Variants in KATNIP observed in about 807,000 individuals in gnomAD.
The protein encoded by KATNIP is katanin-interacting protein.
Under a neutral mutation model 174.0 loss-of-function variants are expected in KATNIP, and 126 were observed. The observed-to-expected ratio is 0.72, with a 90% CI of 0.63 to 0.84. The LOEUF (loss-of-function observed/expected upper bound fraction) is 0.84, where lower values mean the gene tolerates loss of function less well. KATNIP is among the 40% of genes least tolerant of loss of function. The probability of loss-of-function intolerance (pLI) is 0.00; values close to 1 mark genes in which losing one functional copy is unlikely to be tolerated. For synonymous variants in KATNIP, 810 were observed against 835.7 expected (o/e 0.97, Z 0.53); for missense variants, 1,958 against 2,109.7 (o/e 0.93, Z 1.41).
rs1467158449 is a variant in KATNIP at position 27,631,402 on chromosome 16, A to G, written c.408+240A>G. On this transcript the variant is annotated intron_variant, in intron 5 of 27. Transcript: ENST00000261588. ...TAAAAATAAAAATAAAAAATTCGCC[A>G]GGTGTGGCAGCACGTACCTCTAGTC... 5 of 487,172 alleles carry G rather than the reference A, an allele frequency of 1.0e-5. No individual in the cohort carries two copies. In the East Asian group the frequency reaches 1.0e-4, roughly 10 times the overall value. 30.2% of individuals were successfully genotyped at this position (487,172 alleles called of 1,614,324 possible). A position where few individuals can be genotyped will look rare whatever the true frequency, so the allele number is the denominator to read the frequency against.
intron 1 of KATNIP, among the ~76,000 whole-genome samples, chr16:27,554,704 A>G (rs1472075341): frequency 6.6e-6 from 1 of 150,922 alleles, no homozygotes; most frequent in Non-Finnish European, 1.5e-5. Context: ...GGAAAAATTT[A>G]TTCTCAGAAG....
intron 13 of KATNIP, among the ~76,000 whole-genome samples, chr16:27,710,988 A>T (rs1194271890): frequency 6.6e-6 from 1 of 152,196 alleles, no homozygotes; most frequent in Non-Finnish European, 1.5e-5. Context: ...GTTTTTCTGC[A>T]AGCTGAAAAA....
rs2076526214 is a variant in KATNIP, at chr16:27,632,725, CTT to C, written c.408+1565_408+1566del. 5 of 422,498 alleles carry C rather than the reference CTT, an allele frequency of 1.2e-5. No homozygotes were observed. In the Admixed American group the frequency reaches 1.3e-4, roughly 11 times the overall value. 26.2% of individuals were successfully genotyped at this position (422,498 alleles called of 1,614,324 possible). ...TGTTGGTTGATACCAGTGGTGGAGT[CTT>C]TGAAAAGGGCTGATTTCTTTCTTTT... is the stretch of plus-strand genomic sequence containing the variant. On this transcript the variant is annotated intron_variant, in intron 5 of 27. Transcript: ENST00000261588.
chr16:27,705,063 AC>A (rs1299461034), intron 12 of KATNIP, among the ~76,000 whole-genome samples: 1 of 151,586 alleles, frequency 6.6e-6, no homozygotes, highest in African/African-American at 2.4e-5. Flanking sequence ...GGCACGCATC[AC>A]CATGCCCAGC....
chr16:27,562,045 C>T (rs539725456), intron 1 of KATNIP, among the ~76,000 whole-genome samples: 1 of 152,328 alleles, frequency 6.6e-6, no homozygotes, highest in South Asian at 2.1e-4. Flanking sequence ...GTGGCTCATG[C>T]CTGTAATCCC....
chr16:27,713,833 T>C (rs1452620817), intron 13 of KATNIP, among the ~76,000 whole-genome samples: 1 of 74,776 alleles, frequency 1.3e-5, no homozygotes, highest in African/African-American at 5.7e-5. Flanking sequence ...TATATATATA[T>C]ATATATATAT....
chr16:27,576,253 C>T (rs924091231), intron 2 of KATNIP, among the ~76,000 whole-genome samples: 6 of 152,128 alleles, frequency 3.9e-5, no homozygotes, highest in Admixed American at 3.9e-4. Flanking sequence ...CCATTGTGCC[C>T]ATCGCCCGAG....
chr16:27,740,899 G>A lies in KATNIP; in HGVS notation c.2602G>A (p.Asp868Asn), dbSNP rs2081082269. The change falls in exon 15 of 28, where the codon GAC (aspartate) becomes AAC (asparagine). Residue 868 changes from aspartate to asparagine, a missense_variant. Physicochemically the swap from Asp to Asn is conservative, Grantham distance 23 (BLOSUM62 1). Coordinates refer to ENST00000261588, the MANE Select transcript of KATNIP (RefSeq NM_015202.5). ...GGATGCTGGCAGCAGTAGTCATGGG[G>A]ACGACCAGCCAGCCAGCAGAGGTAA... ...RKDAGSSSHG[D>N]DQPASREDTW... is the part of the protein sequence containing the mutation. 2 of 1,599,898 alleles carry A rather than the reference G, an allele frequency of 1.3e-6. No individual in the cohort carries two copies. Among genetic ancestry groups the A allele is most frequent in the Non-Finnish European group, 1.7e-6 (2 of 1,173,864 alleles).
intron 6 of KATNIP, chr16:27,659,950 C>G (rs950370126): frequency 2.1e-6 from 2 of 969,878 alleles, no homozygotes; most frequent in Non-Finnish European, 2.5e-6. Flanking sequence ...GGCCTGGTCC[C>G]CACTACCTAT....
rs183560978 is a variant in KATNIP, at chr16:27,631,491, G to A, written c.408+329G>A. ...GCCCAGAAGTTTAAGCCCGCAGTGAGCTACAGTTGCACCACTGCACTCCAG... is the reference window on the plus strand; with the variant it reads ...GCCCAGAAGTTTAAGCCCGCAGTGAACTACAGTTGCACCACTGCACTCCAG... On this transcript the variant is annotated intron_variant, in intron 5 of 27. Transcript: ENST00000261588. 3.3e-5 allele frequency among the ~76,000 whole-genome samples: 5 copies of A among 151,570 alleles called. No homozygotes were observed. In the East Asian group the frequency reaches 9.7e-4, roughly 29 times the overall value.
chr16:27,703,312 C>G (rs919906354), intron 11 of KATNIP, among the ~76,000 whole-genome samples: 2 of 152,006 alleles, frequency 1.3e-5, no homozygotes, highest in Non-Finnish European at 2.9e-5. Flanking sequence ...TTGGGGGTAC[C>G]CAGCCTTAAA....
At chr16:27,654,737 G>A (rs953388637) in intron 6 of KATNIP, 1 of 1,351,924 alleles carries the variant, frequency 7.4e-7, no homozygotes. Context: ...GGATGTGATG[G>A]TAAGATCAGT....
intron 2 of KATNIP, among the ~76,000 whole-genome samples, chr16:27,594,588 A>G (rs2075280447): frequency 6.6e-6 from 1 of 151,974 alleles, no homozygotes; most frequent in Admixed American, 6.6e-5. Flanking sequence ...AAGCAGAGAC[A>G]CTGGAGTTCA....
At chr16:27,557,784 A>T (rs2089690802) in intron 1 of KATNIP, among the ~76,000 whole-genome samples, 1 of 152,198 alleles carries the variant, frequency 6.6e-6, no homozygotes, top group Non-Finnish European at 1.5e-5. Flanking sequence ...GCCCACATGC[A>T]TGTTTATTTG....
chr16:27,692,095 A>G (rs965878201), intron 8 of KATNIP, among the ~76,000 whole-genome samples: 5 of 152,204 alleles, frequency 3.3e-5, no homozygotes, highest in African/African-American at 1.2e-4. Flanking sequence ...CAAATTTTAT[A>G]AGTGCTTCAT....
chr16:27,603,553 G>A (rs1360499208), intron 2 of KATNIP, among the ~76,000 whole-genome samples: 4 of 151,334 alleles, frequency 2.6e-5, no homozygotes, highest in Non-Finnish European at 5.9e-5. Context: ...ACCCCCAACT[G>A]CAGTGAAGGG....
chr16:27,698,402 G>A lies in KATNIP; in HGVS notation c.1015G>A (p.Asp339Asn), dbSNP rs541347150. ...TTGCGAGGCTGAGTACCCAGAGGAA[G>A]ATGCCTCTGCTGTGCTCCAAGCCAT... ...TLCEAEYPEE[D>N]ASAVLQAIQV... Residue 339 changes from aspartate to asparagine, a missense_variant, in exon 9 of 28, where the codon GAT becomes AAT. Transcript: ENST00000261588. 1 of 1,613,730 alleles carries A rather than the reference G, an allele frequency of 6.2e-7. No individual in the cohort carries two copies. Among genetic ancestry groups the A allele is most frequent in the East Asian group, 2.2e-5 (1 of 44,872 alleles).
intron 2 of KATNIP, among the ~76,000 whole-genome samples, chr16:27,604,217 G>GCCT (rs2075629442): frequency 6.6e-6 from 1 of 152,190 alleles, no homozygotes; most frequent in South Asian, 2.1e-4. Flanking sequence ...TCTCGCCTCA[G>GCCT]CCTCCCAAGT....
At chr16:27,691,811 G>A (rs1202743721) in intron 8 of KATNIP, among the ~76,000 whole-genome samples, 4 of 152,214 alleles carry the variant, frequency 2.6e-5, no homozygotes, top group African/African-American at 4.8e-5. Flanking sequence ...AATGAAAGAC[G>A]CTCAGGGGCA....
Sources: allele counts gnomAD v4.1 joint callset (sites outside exome capture counted in the v4.1 genomes callset), GRCh38; gene constraint gnomAD v4.1.1; transcripts MANE v1.5; gene names NCBI Gene and HGNC (gene_info 2026-07-23, HGNC 2026-07-21).